EPHB2: variants seen among roughly 807,000 people sequenced by gnomAD.
The protein encoded by EPHB2 is ephrin type-B receptor 2.
Under a neutral mutation model 96.4 loss-of-function variants are expected in EPHB2, and 18 were observed. The observed-to-expected ratio is 0.19, with a 90% confidence interval of 0.13 to 0.28. The LOEUF (loss-of-function observed/expected upper bound fraction) is 0.28. Among genes scored for constraint, EPHB2 ranks in the 10% least tolerant of loss-of-function variants. The pLI is 1.00. For synonymous variants in EPHB2, 506 were observed against 534.1 expected (o/e 0.95, Z 0.72); for missense variants, 989 against 1,355.4 (o/e 0.73, Z 4.25).
chr1:22,901,492 C>T (rs570634005), intron 9 of EPHB2, among the ~76,000 whole-genome samples: 44 of 152,306 alleles, frequency 2.9e-4, no homozygotes, highest in Middle Eastern at 6.8e-3. Context: ...TTGTGAATTT[C>T]GCATTTGAGG....
At chr1:22,896,314 G>A in intron 8 of EPHB2, 100 bp from the exon 9 acceptor site, 1 of 1,506,762 alleles carries the variant, frequency 6.6e-7, no homozygotes, top group Non-Finnish European at 9.1e-7. Context: ...GCAGGGGTGT[G>A]GCTTCTAGGG....
intron 5 of EPHB2, among the ~76,000 whole-genome samples, chr1:22,877,111 G>A (rs1018091048): frequency 7.2e-5 from 11 of 152,186 alleles, no homozygotes; most frequent in Non-Finnish European, 1.0e-4. Flanking sequence ...AGGGGCCCTC[G>A]GAGGTCCGCT....
At position 22,894,947 on chromosome 1, in the gene EPHB2, C is replaced by T. The variant is rs76281420; in HGVS notation, c.1592-525C>T. 5.1e-3 allele frequency among the ~76,000 whole-genome samples: 780 copies of T among 152,282 alleles called. 6 individuals carry two copies. Among genetic ancestry groups the T allele is most frequent in the African/African-American group, 0.017 (724 of 41,550 alleles). ...TATTGATTGAATGCTTGCTTAGGTG[C>T]CAGGTGTTGTTCTAAGTGCTTTACC... is the stretch of plus-strand genomic sequence containing the variant. On this transcript the variant is annotated intron_variant, in intron 7 of 15. Coordinates refer to ENST00000374630, the MANE Select transcript of EPHB2 (RefSeq NM_017449.5).
chr1:22,752,236 G>A (rs993085913), intron 1 of EPHB2, among the ~76,000 whole-genome samples: 11 of 152,356 alleles, frequency 7.2e-5, no homozygotes, highest in African/African-American at 1.7e-4. Context: ...GTGGGCTCAC[G>A]CCCATAATCC....
In EPHB2 at chr1:22,784,714, T is replaced by G; in HGVS notation, c.449T>G (p.Val150Gly). ...GCAGCCGACGAGAGCTTCTCCCAGG[T>G]GGACCTGGGTGGCCGCGTCATGAAA... is the stretch of plus-strand genomic sequence containing the variant. The part of the protein sequence containing the change: ...TIAADESFSQ[V>G]DLGGRVMKIN... Residue 150 changes from valine to glycine, a missense_variant, in exon 3 of 16, where the codon GTG (valine) becomes GGG (glycine). Val to Gly is a moderately radical substitution (Grantham distance 109). Transcript: ENST00000374630. The surrounding 1 kb of genome is among the most constrained non-coding windows in gnomAD (Gnocchi z 5.1). 6.2e-7 allele frequency: 1 copy of G among 1,613,540 alleles called. No homozygotes were observed. Among genetic ancestry groups the G allele is most frequent in the Non-Finnish European group, 8.5e-7 (1 of 1,179,660 alleles).
At chr1:22,835,003 C>G (rs547933636) in intron 3 of EPHB2, among the ~76,000 whole-genome samples, 2 of 152,228 alleles carry the variant, frequency 1.3e-5, no homozygotes, top group South Asian at 4.2e-4. Context: ...AACCTAATAC[C>G]ATTTGCCTTG....
chr1:22,868,084 T>C (rs1001161945), intron 5 of EPHB2, among the ~76,000 whole-genome samples: 1 of 152,104 alleles, frequency 6.6e-6, no homozygotes, highest in Non-Finnish European at 1.5e-5. Flanking sequence ...CTCTCCTACA[T>C]CCATTTGGGA....
chr1:22,819,324 G>A (rs1281260824), intron 3 of EPHB2, among the ~76,000 whole-genome samples: 1 of 150,364 alleles, frequency 6.7e-6, no homozygotes, highest in African/African-American at 2.4e-5. Flanking sequence ...CTCTGTTCCA[G>A]TCTCTCTGGC....
At chr1:22,742,258 G>A (rs1643913379) in intron 1 of EPHB2, among the ~76,000 whole-genome samples, 1 of 152,182 alleles carries the variant, frequency 6.6e-6, no homozygotes, top group Non-Finnish European at 1.5e-5. Flanking sequence ...GATGTAGAAG[G>A]ATGCCCAGAG....
intron 1 of EPHB2, among the ~76,000 whole-genome samples, chr1:22,717,807 A>G (rs116196227): frequency 0.039 from 5,903 of 152,220 alleles, 255 homozygotes; most frequent in African/African-American, 0.11. Flanking sequence ...CTCCTGTTCT[A>G]TAAACAGCAG....
chr1:22,760,817 G>T (rs1644225054), intron 1 of EPHB2, among the ~76,000 whole-genome samples: 1 of 152,178 alleles, frequency 6.6e-6, no homozygotes. Flanking sequence ...AGGATGACAG[G>T]CTTGGGAGGG....
At chr1:22,729,504 C>T (rs1255727717) in intron 1 of EPHB2, among the ~76,000 whole-genome samples, 1 of 152,240 alleles carries the variant, frequency 6.6e-6, no homozygotes, top group Non-Finnish European at 1.5e-5. Flanking sequence ...CCTGCCTACT[C>T]TGCCTAATTT....
intron 3 of EPHB2, among the ~76,000 whole-genome samples, chr1:22,825,045 A>G (rs532195898): frequency 6.6e-6 from 1 of 152,382 alleles, no homozygotes; most frequent in African/African-American, 2.4e-5. Context: ...GAACATTCAT[A>G]GGTCAGGAGC....
chr1:22,794,383 G>A (rs867799852), intron 3 of EPHB2, among the ~76,000 whole-genome samples: 6 of 152,112 alleles, frequency 3.9e-5, no homozygotes, highest in Admixed American at 2.0e-4. Flanking sequence ...CCTCAGGGAA[G>A]GAGGCTTCCC....
intron 3 of EPHB2, among the ~76,000 whole-genome samples, chr1:22,852,023 C>T (rs1215089540): frequency 6.6e-6 from 1 of 152,214 alleles, no homozygotes; most frequent in African/African-American, 2.4e-5. Context: ...CAAATTCCAG[C>T]TACCTATCTG....
At chr1:22,890,244 A>AC (rs1456419485) in intron 6 of EPHB2, among the ~76,000 whole-genome samples, 1 of 151,974 alleles carries the variant, frequency 6.6e-6, no homozygotes, top group Non-Finnish European at 1.5e-5. Context: ...CATAGCAGAA[A>AC]CCCCCTCCTG....
At chr1:22,832,088 G>A (rs10733034) in intron 3 of EPHB2, among the ~76,000 whole-genome samples, 40,399 of 152,054 alleles carry the variant, frequency 0.27, 5,818 homozygotes, top group South Asian at 0.38. Flanking sequence ...CTGTTTGAGC[G>A]GGGAATAGGG....
At chr1:22,874,747 A>G (rs908502) in intron 5 of EPHB2, among the ~76,000 whole-genome samples, 110,832 of 152,144 alleles carry the variant, frequency 0.73, 45,528 homozygotes, top group Non-Finnish European at 0.92. Flanking sequence ...TGAACAGCCA[A>G]TTGCCACCCT....
intron 1 of EPHB2, among the ~76,000 whole-genome samples, chr1:22,748,169 A>G (rs148997187): frequency 7.1e-4 from 108 of 152,316 alleles, no homozygotes; most frequent in East Asian, 2.9e-3. Context: ...TGAACATTCA[A>G]TGTGTTTCCA....
Sources: gnomAD v4.1 joint callset for allele counts (sites outside exome capture counted in the v4.1 genomes callset) on GRCh38, gnomAD v4.1.1 for gene constraint, Gnocchi (gnomAD v3.1) non-coding constraint, MANE v1.5 for transcripts, NCBI Gene and HGNC (gene_info 2026-07-23, HGNC 2026-07-21) for gene names.